The following PDE8A variants were observed in gnomAD, a reference collection of about 807,000 sequenced individuals.
PDE8A encodes phosphodiesterase 8A.
Under a neutral mutation model 105.0 loss-of-function variants are expected in PDE8A, and 59 were observed. The observed-to-expected ratio is 0.56, with a 90% CI of 0.46 to 0.70. PDE8A has a LOEUF of 0.70. Ranked by LOEUF, PDE8A falls within the 30% of genes least tolerant of loss-of-function variation. The pLI, the probability that PDE8A is intolerant of heterozygous loss-of-function variation, is 0.00. For missense variants in PDE8A, 1,014 were observed against 1,045.9 expected, an observed-to-expected ratio of 0.97 and a Z score of 0.42; for synonymous variants, 355 against 371.9, an observed-to-expected ratio of 0.95 and a Z score of 0.52.
chr15:85,022,616 T>G (rs2080447229), intron 1 of PDE8A, among the ~76,000 whole-genome samples: 1 of 151,486 alleles, frequency 6.6e-6, no homozygotes, highest in Non-Finnish European at 1.5e-5. Flanking sequence ...TGGCGTGATC[T>G]CAGCTCACTG....
chr15:85,011,215 G>A (rs2080233853), intron 1 of PDE8A, among the ~76,000 whole-genome samples: 1 of 152,176 alleles, frequency 6.6e-6, no homozygotes, highest in Non-Finnish European at 1.5e-5. Flanking sequence ...ACAGAATTAA[G>A]CCAAAAGCAA....
At chr15:85,085,744 A>G (rs568907714) in intron 6 of PDE8A, among the ~76,000 whole-genome samples, 8 of 151,500 alleles carry the variant, frequency 5.3e-5, no homozygotes, top group African/African-American at 1.7e-4. Flanking sequence ...AGGGTGGCTC[A>G]CGCCTGTAAT....
At chr15:85,005,282 T>C (rs551711329) in intron 1 of PDE8A, among the ~76,000 whole-genome samples, 1 of 152,254 alleles carries the variant, frequency 6.6e-6, no homozygotes, top group South Asian at 2.1e-4. Context: ...ATCTGGCTAA[T>C]GTTTTAATTT....
At chr15:85,038,513 G>C (rs777215150) in intron 1 of PDE8A, among the ~76,000 whole-genome samples, 5 of 152,250 alleles carry the variant, frequency 3.3e-5, no homozygotes, top group Middle Eastern at 3.4e-3. Flanking sequence ...AAACTAAAAA[G>C]CTTCTGTACT....
intron 5 of PDE8A, among the ~76,000 whole-genome samples, chr15:85,081,747 T>G (rs970331396): frequency 6.6e-6 from 1 of 152,054 alleles, no homozygotes; most frequent in Non-Finnish European, 1.5e-5. Context: ...TAAACACGCA[T>G]AGCAAAACAA....
intron 20 of PDE8A, among the ~76,000 whole-genome samples, chr15:85,130,652 A>G (rs1445905931): frequency 6.6e-6 from 1 of 152,148 alleles, no homozygotes; most frequent in African/African-American, 2.4e-5. Flanking sequence ...GTAGTATTGA[A>G]GTCTCCAGCC....
In PDE8A at chr15:85,012,200, G is replaced by A. The variant is rs12908252; in HGVS notation, c.186+29852G>A. Reference sequence around the variant, plus strand: ...TGACCCAGCCATCTCATTACTGGGTGTATACCCAAAGGACTATAAATCATG... The same window carrying A: ...TGACCCAGCCATCTCATTACTGGGTATATACCCAAAGGACTATAAATCATG... On this transcript the variant is annotated intron_variant, in intron 1 of 21. Transcript: ENST00000394553. Among the ~76,000 whole-genome samples, 3 of 152,142 alleles carry A rather than the reference G, an allele frequency of 2.0e-5. No individual in the cohort carries two copies. In the South Asian group the frequency reaches 6.2e-4, roughly 32 times the overall value.
At chr15:85,046,130 C>G (rs909311221) in intron 1 of PDE8A, among the ~76,000 whole-genome samples, 1 of 142,310 alleles carries the variant, frequency 7.0e-6, no homozygotes, top group Non-Finnish European at 1.5e-5. Context: ...TACAGTGGCT[C>G]TGTCTCAGCT....
chr15:85,125,307 A>G lies in PDE8A; in HGVS notation c.2086-900A>G, dbSNP rs1323401443. On this transcript the variant is annotated intron_variant, in intron 19 of 21. Transcript: ENST00000394553. ...ACTAACTCCTTTGGAATGTTGCTTG[A>G]TGGGCACAGAATCAGACTGAGGAGA... 2.0e-5 allele frequency among the ~76,000 whole-genome samples: 3 copies of G among 152,292 alleles called. No homozygotes were observed. The East Asian group carries it at 5.8e-4, about 29-fold the overall frequency.
intron 1 of PDE8A, among the ~76,000 whole-genome samples, chr15:84,987,825 G>C (rs950297938): frequency 1.3e-5 from 2 of 152,048 alleles, no homozygotes; most frequent in Non-Finnish European, 2.9e-5. Flanking sequence ...AGGACACAGG[G>C]TGAGGCAGAC....
At chr15:85,017,123 C>T (rs984603191) in intron 1 of PDE8A, among the ~76,000 whole-genome samples, 22 of 151,144 alleles carry the variant, frequency 1.5e-4, no homozygotes, top group Non-Finnish European at 2.8e-4. Context: ...TAGCCGGGCG[C>T]GGTGGCGGGC....
chr15:85,089,445 G>T, intron 7 of PDE8A, 29 bp downstream of exon 7: 2 of 1,313,984 alleles, frequency 1.5e-6, no homozygotes, highest in East Asian at 2.3e-5. Flanking sequence ...CTGTCTTTCT[G>T]GATTTCTTGT....
chr15:85,028,786 C>T (rs1056284706), intron 1 of PDE8A, among the ~76,000 whole-genome samples: 3 of 152,182 alleles, frequency 2.0e-5, no homozygotes, highest in Admixed American at 2.0e-4. Flanking sequence ...TGAAGACTTC[C>T]CATCTGCTCT....
At chr15:85,089,568 T>A (rs921640753) in intron 7 of PDE8A, 152 bp downstream of exon 7, 1 of 537,054 alleles carries the variant, frequency 1.9e-6, no homozygotes, top group African/African-American at 1.9e-5. Context: ...AAATCAAATA[T>A]GTAATTTAAA....
chr15:85,060,742 T>C (rs1274428462), intron 1 of PDE8A, among the ~76,000 whole-genome samples: 1 of 152,220 alleles, frequency 6.6e-6, no homozygotes, highest in East Asian at 1.9e-4. Flanking sequence ...ACAATAATAC[T>C]TCCTTTTAGA....
chr15:85,006,065 G>C (rs968349874), intron 1 of PDE8A, among the ~76,000 whole-genome samples: 6 of 151,798 alleles, frequency 4.0e-5, no homozygotes, highest in South Asian at 4.1e-4. Flanking sequence ...TCTGAGCTCA[G>C]ACCTAAAGAA....
intron 1 of PDE8A, among the ~76,000 whole-genome samples, chr15:85,042,907 G>GGGA (rs2080832638): frequency 6.6e-6 from 1 of 152,148 alleles, no homozygotes; most frequent in African/African-American, 2.4e-5. Flanking sequence ...TCCAGAATAC[G>GGGA]GGTTATGGGA....
Position 85,064,410 on chromosome 15 carries a change from A to C in PDE8A, c.227A>C (p.His76Pro). The change falls in exon 2 of 22, where the codon CAT becomes CCT. Residue 76 changes from histidine to proline, a missense_variant. His to Pro is a moderately conservative substitution (Grantham distance 77, BLOSUM62 -2). Transcript: ENST00000394553. Reference sequence around the variant, plus strand: ...GTGCAGTTTGGCCCCATGAGATTTCATCAAGATCAACTTCAGGTAATAATG... The same window carrying C: ...GTGCAGTTTGGCCCCATGAGATTTCCTCAAGATCAACTTCAGGTAATAATG... ...ADVQFGPMRF[H>P]QDQLQVLLVF... The C allele has an allele frequency of 6.2e-7, 1 of 1,607,532 alleles. No individual in the cohort carries two copies. Among genetic ancestry groups the C allele is most frequent in the Non-Finnish European group, 8.5e-7 (1 of 1,174,166 alleles).
At chr15:85,116,304 A>T in intron 16 of PDE8A, 185 bp downstream of exon 16, 1 of 568,460 alleles carries the variant, frequency 1.8e-6, no homozygotes, top group Non-Finnish European at 3.1e-6. Context: ...TGCTGGCCAC[A>T]GTGATGGCAC....
Sources: gnomAD v4.1 joint callset for allele counts (sites outside exome capture counted in the v4.1 genomes callset) on GRCh38, gnomAD v4.1.1 for gene constraint, MANE v1.5 for transcripts, NCBI Gene and HGNC (gene_info 2026-07-23, HGNC 2026-07-21) for gene names.